Variants in OTOGL observed in about 807,000 individuals in gnomAD.
OTOGL encodes the protein otogelin-like protein.
In OTOGL, 285 loss-of-function variants were observed where a neutral mutation model predicts 318.5. That is an observed-to-expected ratio of 0.89 (90% CI 0.81 to 0.99). OTOGL has a LOEUF of 0.99. Ranked by LOEUF, OTOGL falls within the 50% of genes least tolerant of loss-of-function variation. The pLI is 0.00. For synonymous variants in OTOGL, 987 were observed against 936.5 expected (o/e 1.05, Z -0.99); for missense variants, 2,899 against 2,845.6 (o/e 1.02, Z -0.43).
At chr12:80,195,607 T>C (rs956503304) in intron 1 of OTOGL, among the ~76,000 whole-genome samples, 6 of 152,228 alleles carry the variant, frequency 3.9e-5, no homozygotes, top group African/African-American at 1.4e-4. Context: ...CAATGTGTAT[T>C]ACTCAGATAG....
intron 1 of OTOGL, among the ~76,000 whole-genome samples, chr12:80,197,830 A>T (rs369473528): frequency 3.9e-5 from 6 of 152,322 alleles, no homozygotes; most frequent in Admixed American, 6.5e-5. Context: ...GTTGAACTCC[A>T]TTCTCCTCTT....
intron 24 of OTOGL, 39 bp from the exon 25 acceptor site, chr12:80,278,129 T>C (rs1565949382): frequency 2.1e-6 from 3 of 1,412,246 alleles, no homozygotes; most frequent in Non-Finnish European, 2.9e-6. Context: ...CTGAAAACTG[T>C]AGTTCATACT....
intron 26 of OTOGL, among the ~76,000 whole-genome samples, chr12:80,291,539 T>A (rs915159713): frequency 2.0e-5 from 3 of 152,180 alleles, no homozygotes; most frequent in Non-Finnish European, 2.9e-5. Flanking sequence ...TAAAATAACT[T>A]GGGGTTCCTA....
At chr12:80,116,993 G>A (rs568299970) in intron 1 of OTOGL, among the ~76,000 whole-genome samples, 1 of 152,264 alleles carries the variant, frequency 6.6e-6, no homozygotes, top group East Asian at 1.9e-4. Flanking sequence ...GTGGCAACAG[G>A]AAAGCCATAG....
intron 42 of OTOGL, 141 bp from the exon 43 acceptor site, chr12:80,338,934 C>A: frequency 2.9e-6 from 2 of 683,724 alleles, no homozygotes; most frequent in Non-Finnish European, 4.7e-6. Context: ...TTCTGAGAAG[C>A]TGTGGCAGCA....
chr12:80,266,684 C>T, intron 21 of OTOGL, 68 bp downstream of exon 21: 6 of 1,412,976 alleles, frequency 4.2e-6, no homozygotes, highest in South Asian at 2.8e-5. Context: ...GCTAAATGAG[C>T]TTTCATGGAA....
chr12:80,350,968 A>T lies in OTOGL; in HGVS notation c.5266-1327A>T, dbSNP rs147952585. On this transcript the variant is annotated intron_variant, in intron 44 of 58. Coordinates refer to ENST00000547103, the MANE Select transcript of OTOGL (RefSeq NM_001378609.3). ...TGTACTTTGGGGTTCATAGGCAGAA[A>T]ATTACTGCTCAAACCAGTGTCCTAG... 4.8e-3 allele frequency among the ~76,000 whole-genome samples: 724 copies of T among 152,268 alleles called. 10 individuals are homozygous for T. Among genetic ancestry groups the T allele is most frequent in the African/African-American group, 0.017 (688 of 41,572 alleles).
chr12:80,250,046 T>C (rs1184676523), intron 11 of OTOGL, among the ~76,000 whole-genome samples: 1 of 151,958 alleles, frequency 6.6e-6, no homozygotes, highest in African/African-American at 2.4e-5. Flanking sequence ...GCGCACCCAC[T>C]GACCTGCGCC....
chr12:80,301,598 G>T (rs904568266), intron 27 of OTOGL, among the ~76,000 whole-genome samples: 4 of 152,026 alleles, frequency 2.6e-5, no homozygotes, highest in African/African-American at 9.7e-5. Context: ...CTTTTGTTTG[G>T]AAGGATTTCT....
intron 11 of OTOGL, among the ~76,000 whole-genome samples, chr12:80,240,384 A>G (rs998624443): frequency 2.6e-5 from 4 of 152,114 alleles, no homozygotes; most frequent in African/African-American, 9.7e-5. Context: ...ACCCTTTTCA[A>G]AAACAATGTT....
At chr12:80,238,729 A>G in intron 9 of OTOGL, 122 bp from the exon 10 acceptor site, 2 of 1,159,854 alleles carry the variant, frequency 1.7e-6, no homozygotes, top group Non-Finnish European at 1.1e-6. Context: ...ATTGGTAATT[A>G]TAATGTTACT....
At position 80,372,029 on chromosome 12, in the gene OTOGL, T is replaced by C; in HGVS notation, c.6746T>C (p.Ile2249Thr). The part of the protein sequence containing the change: ...NETECKMNEG[I>T]VKLYNEGCCK... ...TTTTTCTCTTTCTAGAATGAAGGGA[T>C]TGTGAAGCTTTATAATGAAGGCTGT... Residue 2249 changes from isoleucine to threonine, a missense_variant, in exon 57 of 59, where the codon ATT becomes ACT. Coordinates refer to ENST00000547103, the MANE Select transcript of OTOGL (RefSeq NM_001378609.3). The C allele has an allele frequency of 6.4e-7, 1 of 1,553,426 alleles. No individual in the cohort carries two copies. Among genetic ancestry groups the C allele is most frequent in the Non-Finnish European group, 8.7e-7 (1 of 1,146,602 alleles).
chr12:80,133,933 TCAAAAACAAAAACAAAAA>T (rs915932632), intron 1 of OTOGL, among the ~76,000 whole-genome samples: 8 of 151,580 alleles, frequency 5.3e-5, no homozygotes, highest in Non-Finnish European at 8.8e-5. Context: ...AGACTCTGTC[TCAAAAACAAAAACAAAAA>T]CAAAAACAAA....
chr12:80,127,674 C>A (rs917091255), intron 1 of OTOGL, among the ~76,000 whole-genome samples: 1 of 152,234 alleles, frequency 6.6e-6, no homozygotes, highest in African/African-American at 2.4e-5. Flanking sequence ...TTTTCAGGTA[C>A]ACCAATCAGA....
intron 1 of OTOGL, among the ~76,000 whole-genome samples, chr12:80,142,870 G>A (rs1371492035): frequency 6.6e-6 from 1 of 152,138 alleles, no homozygotes; most frequent in Non-Finnish European, 1.5e-5. Flanking sequence ...GATACAGCAG[G>A]GGTGGCAGAA....
chr12:80,320,484 A>G lies in OTOGL; in HGVS notation c.3865A>G (p.Asn1289Asp), dbSNP rs757588312. Residue 1289 changes from asparagine to aspartate, a missense_variant, in exon 34 of 59, where the codon AAT becomes GAT. Asn to Asp is a conservative substitution (Grantham distance 23). Transcript: ENST00000547103. Reference sequence around the variant, plus strand: ...AAACTACTTTCTCTATGTCCATGACAATGATACTCTTAGCTTGGAGCTGTG... The same window carrying G: ...AAACTACTTTCTCTATGTCCATGACGATGATACTCTTAGCTTGGAGCTGTG... The part of the protein sequence containing the change: ...RPNYFLYVHD[N>D]DTLSLELWEA... The G allele has an allele frequency of 6.2e-7, 1 of 1,613,518 alleles. No individual in the cohort carries two copies. Among genetic ancestry groups the G allele is most frequent in the South Asian group, 1.1e-5 (1 of 91,082 alleles).
At chr12:80,211,881 CTT>C (rs1877282242) in intron 3 of OTOGL, 66 bp from the exon 4 acceptor site, 1 of 1,292,180 alleles carries the variant, frequency 7.7e-7, no homozygotes. Context: ...CCAGCTCTCT[CTT>C]GGGAAAGGCT....
chr12:80,356,786 A>C, intron 48 of OTOGL, 21 bp from the exon 49 acceptor site: 2 of 1,455,422 alleles, frequency 1.4e-6, no homozygotes, highest in Non-Finnish European at 1.9e-6. Context: ...CAAATTTTCT[A>C]ATGTAATTTT....
chr12:80,367,696 C>A lies in OTOGL; in HGVS notation c.6467C>A (p.Thr2156Asn). Residue 2156 changes from threonine (T) to asparagine (N), a missense_variant, in exon 54 of 59, where the codon ACT becomes AAT. By Grantham distance (65) the Thr-to-Asn change is moderately conservative. Transcript: ENST00000547103. ...AAAGATAACCATACGGGCTTTCACA[C>A]TCTGAATTTTACACTGGTGAATTGT... Reference protein sequence around the residue: ...EEKDNHTGFHTLNFTLVNCSK... With the variant: ...EEKDNHTGFHNLNFTLVNCSK... 3.4e-6 allele frequency: 5 copies of A among 1,461,476 alleles called. No homozygotes were observed. Among genetic ancestry groups the A allele is most frequent in the Non-Finnish European group, 4.5e-6 (5 of 1,103,408 alleles). 90.5% of individuals were successfully genotyped at this position (1,461,476 alleles called of 1,614,324 possible). A position where few individuals can be genotyped will look rare whatever the true frequency, so the allele number is the denominator to read the frequency against.
Sources: gnomAD v4.1 joint callset for allele counts (sites outside exome capture counted in the v4.1 genomes callset) on GRCh38, gnomAD v4.1.1 for gene constraint, MANE v1.5 for transcripts, NCBI Gene and HGNC (gene_info 2026-07-23, HGNC 2026-07-21) for gene names.